Variants in ANKRD13C observed in about 807,000 individuals in gnomAD.
The protein encoded by ANKRD13C is ankyrin repeat domain-containing protein 13C.
A neutral mutation model predicts 65.5 loss-of-function variants in ANKRD13C; 16 were observed. The observed-to-expected ratio is 0.24, with a 90% CI of 0.17 to 0.37. The LOEUF is 0.37. Ranked by LOEUF, ANKRD13C falls within the 10% of genes least tolerant of loss-of-function variation. The pLI, the probability that ANKRD13C is intolerant of heterozygous loss-of-function variation, is 1.00. For synonymous variants in ANKRD13C, 235 were observed against 238.7 expected, an observed-to-expected ratio of 0.98 and a Z score of 0.14; for missense variants, 503 against 655.9, an observed-to-expected ratio of 0.77 and a Z score of 2.55.
chr1:70,316,261 G>A (rs1668389212), intron 3 of ANKRD13C, among the ~76,000 whole-genome samples: 2 of 152,300 alleles, frequency 1.3e-5, no homozygotes, highest in Middle Eastern at 3.4e-3. Context: ...TGTATTTTCA[G>A]TTACTGAGAT....
chr1:70,352,930 T>A lies in ANKRD13C; in HGVS notation c.430+1049A>T, dbSNP rs151061833. Reference sequence around the variant, plus strand: ...CAAGAGAAATCTTACTCGTTTTTTTTATCTGAATTTTTGTCCTAAAAAGCC... The same window carrying A: ...CAAGAGAAATCTTACTCGTTTTTTTAATCTGAATTTTTGTCCTAAAAAGCC... On this transcript the variant is annotated intron_variant, in intron 1 of 12. Transcript: ENST00000370944. 1.2e-3 allele frequency among the ~76,000 whole-genome samples: 176 copies of A among 152,352 alleles called. 1 individual carries two copies. The East Asian group carries it at 0.019, about 16-fold the overall frequency.
rs767566103 is a variant in ANKRD13C, at chr1:70,292,420, T to C, written c.1183A>G (p.Lys395Glu). The C allele has an allele frequency of 1.3e-6, 2 of 1,595,668 alleles. No homozygotes were observed. The highest frequency in any genetic ancestry group is 1.7e-6 in the Non-Finnish European group (2 of 1,175,594). The change falls in exon 9 of 13, where the codon AAA becomes GAA. Residue 395 changes from lysine (K) to glutamate (E), a missense_variant. By Grantham distance (56) the Lys-to-Glu change is moderately conservative (BLOSUM62 1). Coordinates refer to ENST00000370944, the MANE Select transcript of ANKRD13C (RefSeq NM_030816.5). ...TTCTGTTCCATTATGTTTCCACCTT[T>C]ACTCAAACTCTCCATGATGGCCTTA... Reference protein sequence around the residue: ...RNKAIMESLSKGGNIMEQNFE... With the variant: ...RNKAIMESLSEGGNIMEQNFE...
chr1:70,306,140 A>G, intron 6 of ANKRD13C, 84 bp downstream of exon 6: 2 of 886,592 alleles, frequency 2.3e-6, no homozygotes, highest in Non-Finnish European at 3.4e-6. Context: ...GTCATAAAAC[A>G]CATGTAAGTT....
intron 11 of ANKRD13C, among the ~76,000 whole-genome samples, chr1:70,271,966 T>A (rs1379425918): frequency 6.6e-6 from 1 of 152,224 alleles, no homozygotes; most frequent in Non-Finnish European, 1.5e-5. Flanking sequence ...AATTTAATTT[T>A]CAGTTACATC....
intron 6 of ANKRD13C, 109 bp from the exon 7 acceptor site, chr1:70,301,017 A>G (rs1680327982): frequency 8.9e-7 from 1 of 1,123,086 alleles, no homozygotes; most frequent in South Asian, 2.1e-5. Context: ...TGCTAATACC[A>G]TATTGCAAAG....
intron 3 of ANKRD13C, among the ~76,000 whole-genome samples, chr1:70,318,049 T>C (rs768433): frequency 0.11 from 16,944 of 152,156 alleles, 1,178 homozygotes; most frequent in East Asian, 0.35. Context: ...CACAGTATAA[T>C]AACATATGCG....
intron 5 of ANKRD13C, among the ~76,000 whole-genome samples, chr1:70,311,263 C>T (rs1355307507): frequency 2.4e-4 from 36 of 151,964 alleles, no homozygotes; most frequent in Admixed American, 2.2e-3. Context: ...GAGGCCGAGG[C>T]GGGTGGATCA....
At chr1:70,308,494 C>T (rs973066977) in intron 5 of ANKRD13C, among the ~76,000 whole-genome samples, 2 of 151,100 alleles carry the variant, frequency 1.3e-5, no homozygotes, top group Non-Finnish European at 2.9e-5. Flanking sequence ...AATCCCAGCA[C>T]TTTGGGAGGC....
At chr1:70,293,549 A>G (rs1679951275) in intron 8 of ANKRD13C, 1 of 985,110 alleles carries the variant, frequency 1.0e-6, no homozygotes, top group Non-Finnish European at 1.2e-6. Flanking sequence ...AAGAGCTTTG[A>G]GCTGCTTAGC....
At position 70,259,131 on chromosome 1, in the gene ANKRD13C, C is replaced by T. The variant is rs1348576876; in HGVS notation, c.*3586G>A. On this transcript the variant is annotated 3_prime_UTR_variant, in exon 13 of 13. Coordinates refer to ENST00000370944, the MANE Select transcript of ANKRD13C (RefSeq NM_030816.5). ...CTGATGCATTCCACAGAACATGTAC[C>T]CATCATTAAGTGACACACAACTGTA... Among the ~76,000 whole-genome samples the T allele has an allele frequency of 6.6e-6, 1 of 152,058 alleles. No homozygotes were observed. The highest frequency in any genetic ancestry group is 2.1e-4 in the South Asian group (1 of 4,824).
chr1:70,349,221 C>T (rs1420226274), intron 1 of ANKRD13C, among the ~76,000 whole-genome samples: 1 of 152,106 alleles, frequency 6.6e-6, no homozygotes, highest in Non-Finnish European at 1.5e-5. Flanking sequence ...TCAGAAAAAT[C>T]CTTACACTCT....
chr1:70,320,748 C>T (rs1320616181), intron 3 of ANKRD13C, among the ~76,000 whole-genome samples: 4 of 151,952 alleles, frequency 2.6e-5, no homozygotes, highest in Non-Finnish European at 4.4e-5. Flanking sequence ...TTTGAAAACT[C>T]AGGAGAGTTG....
chr1:70,297,454 C>T (rs1483616365), intron 7 of ANKRD13C, among the ~76,000 whole-genome samples: 5 of 150,234 alleles, frequency 3.3e-5, no homozygotes, highest in South Asian at 2.1e-4. Context: ...CCCCCATGCC[C>T]GGCTAATTTT....
At chr1:70,283,218 A>G (rs1251043358) in intron 9 of ANKRD13C, among the ~76,000 whole-genome samples, 1 of 152,104 alleles carries the variant, frequency 6.6e-6, no homozygotes, top group Admixed American at 6.5e-5. Flanking sequence ...TGAATCCTTC[A>G]GTGCCTCCTC....
chr1:70,318,602 G>C (rs1403471560), intron 3 of ANKRD13C, among the ~76,000 whole-genome samples: 2 of 151,046 alleles, frequency 1.3e-5, no homozygotes, highest in African/African-American at 4.9e-5. Context: ...ATCCATAATA[G>C]AGACCTTAGA....
intron 2 of ANKRD13C, among the ~76,000 whole-genome samples, chr1:70,332,054 T>C (rs1246415244): frequency 6.6e-6 from 1 of 152,146 alleles, no homozygotes; most frequent in African/African-American, 2.4e-5. Flanking sequence ...CAGTATGTAA[T>C]TGGTTGTGTC....
chr1:70,309,993 A>G (rs1680782102), intron 5 of ANKRD13C, among the ~76,000 whole-genome samples: 1 of 152,114 alleles, frequency 6.6e-6, no homozygotes, highest in Non-Finnish European at 1.5e-5. Flanking sequence ...TCCTCATTTT[A>G]AAAATGAAGA....
chr1:70,302,251 G>A (rs1680387424), intron 6 of ANKRD13C, among the ~76,000 whole-genome samples: 1 of 146,028 alleles, frequency 6.8e-6, no homozygotes, highest in Non-Finnish European at 1.5e-5. Flanking sequence ...GGGAAGTATG[G>A]TTGCCTTATG....
At chr1:70,329,781 G>T (rs750799101) in intron 2 of ANKRD13C, among the ~76,000 whole-genome samples, 1 of 151,422 alleles carries the variant, frequency 6.6e-6, no homozygotes, top group Non-Finnish European at 1.5e-5. Context: ...CTATGACATA[G>T]TCTTATAATT....
Sources: allele counts gnomAD v4.1 joint callset (sites outside exome capture counted in the v4.1 genomes callset), GRCh38; gene constraint gnomAD v4.1.1; transcripts MANE v1.5; gene names NCBI Gene and HGNC (gene_info 2026-07-23, HGNC 2026-07-21).